Variants in RASA1 observed in about 807,000 individuals in gnomAD.
RASA1 encodes RAS p21 protein activator 1.
In RASA1, 25 loss-of-function variants were observed where a neutral mutation model predicts 132.2. That is an observed-to-expected ratio of 0.19 (90% confidence interval 0.14 to 0.26). The LOEUF (loss-of-function observed/expected upper bound fraction) is 0.26. Among genes scored for constraint, RASA1 ranks in the 10% least tolerant of loss-of-function variants. The pLI is 1.00. For synonymous variants in RASA1, 477 were observed against 449.9 expected (o/e 1.06, Z -0.76); for missense variants, 964 against 1,299.2 (o/e 0.74, Z 3.97).
Position 87,288,112 on chromosome 5 carries a change from C to T in RASA1, c.539+19122C>T, listed in dbSNP as rs150345611. ...ACACCATATATATATACCATATATACACACACCATATATATACCATATATA... is the reference window on the plus strand; with the variant it reads ...ACACCATATATATATACCATATATATACACACCATATATATACCATATATA... On this transcript the variant is annotated intron_variant, in intron 1 of 24. Coordinates refer to ENST00000274376, the MANE Select transcript of RASA1 (RefSeq NM_002890.3). Among the ~76,000 whole-genome samples the T allele has an allele frequency of 8.1e-3, 995 of 122,436 alleles. 44 individuals are homozygous for T. The highest frequency in any genetic ancestry group is 0.023 in the African/African-American group (657 of 28,698). 80.3% of individuals were successfully genotyped at this position (122,436 alleles called of 152,430 possible).
chr5:87,279,424 A>G (rs1280975078), intron 1 of RASA1, among the ~76,000 whole-genome samples: 2 of 152,068 alleles, frequency 1.3e-5, no homozygotes, highest in Non-Finnish European at 2.9e-5. Flanking sequence ...CATTTGGGTC[A>G]TTTCTAGTTT....
rs181840682 is a variant in RASA1, at chr5:87,309,584, T to C, written c.540-21764T>C. Reference sequence around the variant, plus strand: ...AGTGATTAAGTTTTATCTAGTCTTATGATACTGTAAACAGCCACAGTGATG... The same window carrying C: ...AGTGATTAAGTTTTATCTAGTCTTACGATACTGTAAACAGCCACAGTGATG... On this transcript the variant is annotated intron_variant, in intron 1 of 24. Coordinates refer to ENST00000274376, the MANE Select transcript of RASA1 (RefSeq NM_002890.3). Among the ~76,000 whole-genome samples the C allele has an allele frequency of 3.5e-4, 54 of 152,250 alleles. No homozygotes were observed. The East Asian group carries it at 0.01, about 28-fold the overall frequency.
At chr5:87,390,562 TAGG>T (rs1762434142) in intron 24 of RASA1, among the ~76,000 whole-genome samples, 1 of 152,110 alleles carries the variant, frequency 6.6e-6, no homozygotes, top group Non-Finnish European at 1.5e-5. Flanking sequence ...GCCTAAAAAA[TAGG>T]AGCATGCCAA....
intron 1 of RASA1, among the ~76,000 whole-genome samples, chr5:87,318,194 G>A (rs1756492592): frequency 6.6e-6 from 1 of 152,024 alleles, no homozygotes; most frequent in South Asian, 2.1e-4. Context: ...AAATATTTGT[G>A]GATTCCCTAC....
chr5:87,338,657 C>CCA (rs1161676081), intron 5 of RASA1, among the ~76,000 whole-genome samples: 1 of 150,420 alleles, frequency 6.6e-6, no homozygotes, highest in African/African-American at 2.4e-5. Flanking sequence ...CAGGCATGAG[C>CCA]CACAGTGCCC....
At chr5:87,271,328 G>T (rs546025385) in intron 1 of RASA1, among the ~76,000 whole-genome samples, 2 of 151,876 alleles carry the variant, frequency 1.3e-5, no homozygotes, top group Admixed American at 1.3e-4. Flanking sequence ...AGCATGCTTG[G>T]TACAATGGTT....
At chr5:87,378,970 T>C (rs1388607082) in intron 18 of RASA1, among the ~76,000 whole-genome samples, 1 of 152,190 alleles carries the variant, frequency 6.6e-6, no homozygotes, top group Non-Finnish European at 1.5e-5. Context: ...AAAATCTTTT[T>C]AGGATTATTA....
At chr5:87,314,645 G>A (rs758919939) in intron 1 of RASA1, among the ~76,000 whole-genome samples, 7 of 152,122 alleles carry the variant, frequency 4.6e-5, no homozygotes, top group Non-Finnish European at 1.0e-4. Flanking sequence ...CATAGCTTGG[G>A]TATCTGGATT....
At chr5:87,302,586 C>G (rs1275777139) in intron 1 of RASA1, among the ~76,000 whole-genome samples, 2 of 149,770 alleles carry the variant, frequency 1.3e-5, no homozygotes, top group African/African-American at 5.0e-5. Context: ...ATTCTATATA[C>G]TATAGTATAC....
At chr5:87,272,238 A>C (rs1273636727) in intron 1 of RASA1, among the ~76,000 whole-genome samples, 1 of 152,200 alleles carries the variant, frequency 6.6e-6, no homozygotes, top group Non-Finnish European at 1.5e-5. Context: ...ATGTATTTGG[A>C]AATAAAAATT....
rs868226410 is a variant in RASA1, at chr5:87,268,314, C to G, written c.-138C>G. The G allele has an allele frequency of 3.3e-6, 4 of 1,201,326 alleles. No individual in the cohort carries two copies. The highest frequency in any genetic ancestry group is 5.3e-5 in the East Asian group (2 of 37,784). The allele number at this position is 1,201,326 out of a possible 1,614,324, so 74.4% of individuals were successfully genotyped here. A position where few individuals can be genotyped will look rare whatever the true frequency, so the allele number is the denominator to read the frequency against. ...CTAGGAGGGGGCGCGGCGGCGGGCT[C>G]TCTCCTTTTGTTGTTGTTTCCTCAG... On this transcript the variant is annotated 5_prime_UTR_variant, in exon 1 of 25. Coordinates refer to ENST00000274376, the MANE Select transcript of RASA1 (RefSeq NM_002890.3).
In RASA1 at chr5:87,268,717, G is replaced by A. The variant is rs767049793; in HGVS notation, c.266G>A (p.Gly89Glu). 3 of 1,612,622 alleles carry A rather than the reference G, an allele frequency of 1.9e-6. No homozygotes were observed. The highest frequency in any genetic ancestry group is 1.1e-5 in the South Asian group (1 of 90,970). ...CTGGGGGGAGCTGGACTGACAGGGGGAGGTACTGCTGCTGGCGTAGCTGGT... is the reference window on the plus strand; with the variant it reads ...CTGGGGGGAGCTGGACTGACAGGGGAAGGTACTGCTGCTGGCGTAGCTGGT... ...GALGGAGLTG[G>E]GTAAGVAGAA... is the part of the protein sequence containing the mutation. Residue 89 changes from glycine to glutamate, a missense_variant, in exon 1 of 25, where the codon GGA becomes GAA. This residue lies in a region of RASA1 where 326 missense variants were observed against 275.8 expected (regional missense o/e 1.18). Coordinates refer to ENST00000274376, the MANE Select transcript of RASA1 (RefSeq NM_002890.3).
chr5:87,281,544 T>A (rs547704964), intron 1 of RASA1, among the ~76,000 whole-genome samples: 25 of 152,202 alleles, frequency 1.6e-4, no homozygotes, highest in Middle Eastern at 3.4e-3. Flanking sequence ...TATATATATA[T>A]CTTTTTTTTG....
At chr5:87,290,917 A>C (rs1313867863) in intron 1 of RASA1, among the ~76,000 whole-genome samples, 1 of 152,192 alleles carries the variant, frequency 6.6e-6, no homozygotes, top group African/African-American at 2.4e-5. Flanking sequence ...GCTTATAAAC[A>C]TTTGTATGCA....
rs1762555492 is a variant in RASA1 at position 87,391,916 on chromosome 5, A to G, written c.*1033A>G. 1 of 227,680 alleles carries G rather than the reference A, an allele frequency of 4.4e-6. No homozygotes were observed. The highest frequency in any genetic ancestry group is 8.7e-6 in the Non-Finnish European group (1 of 114,468). The allele number at this position is 227,680 out of a possible 1,614,324, so 14.1% of individuals were successfully genotyped here. On this transcript the variant is annotated 3_prime_UTR_variant, in exon 25 of 25. Transcript: ENST00000274376. ...AAAATAAAACCAAGGGATATCTTGCATAATTGATTACTTCTGTCTAAAAGA... is the reference window on the plus strand; with the variant it reads ...AAAATAAAACCAAGGGATATCTTGCGTAATTGATTACTTCTGTCTAAAAGA...
At chr5:87,368,444 T>G (rs1561315694) in intron 11 of RASA1, among the ~76,000 whole-genome samples, 2 of 152,214 alleles carry the variant, frequency 1.3e-5, no homozygotes, top group Non-Finnish European at 2.9e-5. Flanking sequence ...TCTTAACTTT[T>G]AGCCATTTAA....
chr5:87,371,184 T>A (rs1001782948), intron 12 of RASA1, among the ~76,000 whole-genome samples: 3 of 152,166 alleles, frequency 2.0e-5, no homozygotes, highest in African/African-American at 4.8e-5. Context: ...GAACATTTTT[T>A]AATGTATTTA....
chr5:87,277,468 A>G (rs991113959), intron 1 of RASA1, among the ~76,000 whole-genome samples: 1 of 152,192 alleles, frequency 6.6e-6, no homozygotes, highest in African/African-American at 2.4e-5. Context: ...TACCAGGAGT[A>G]TGAGTGCATC....
chr5:87,383,886 C>A, intron 21 of RASA1, 106 bp downstream of exon 21: 1 of 961,720 alleles, frequency 1.0e-6, no homozygotes, highest in Non-Finnish European at 1.6e-6. Context: ...TCATCCAATT[C>A]TAGTCATGGC....
Sources: gnomAD v4.1 joint callset for allele counts (sites outside exome capture counted in the v4.1 genomes callset) on GRCh38, gnomAD v4.1.1 for gene constraint, gnomAD v4.1.1 regional missense constraint, MANE v1.5 for transcripts, NCBI Gene and HGNC (gene_info 2026-07-23, HGNC 2026-07-21) for gene names.